EP400: variants seen among roughly 807,000 people sequenced by gnomAD.
EP400 encodes the protein E1A binding protein p400, also known as E1A-binding protein p400.
A neutral mutation model predicts 354.1 loss-of-function variants in EP400; 105 were observed. The observed-to-expected ratio is 0.30, with a 90% CI of 0.25 to 0.35. The LOEUF (loss-of-function observed/expected upper bound fraction) is 0.35. Ranked by LOEUF, EP400 falls within the 10% of genes least tolerant of loss-of-function variation. The probability of loss-of-function intolerance (pLI) is 1.00; values close to 1 mark genes in which losing one functional copy is unlikely to be tolerated. For missense variants in EP400, 3,280 were observed against 4,121.0 expected (o/e 0.80, Z 5.59); for synonymous variants, 1,646 against 1,716.9 (o/e 0.96, Z 1.02).
rs1015018943 is a variant in EP400 at position 132,066,974 on chromosome 12, C to T, written c.8749+5C>T. On this transcript the variant is annotated splice_donor_5th_base_variant and intron_variant, in intron 49 of 52. Coordinates refer to ENST00000389561, the MANE Select transcript of EP400 (RefSeq NM_015409.5). ...GTCAGCCACAGAAGGCAGCAGGTGC[C>T]CGCCCCAGCACACCCTCCCGTCCTG... is the stretch of plus-strand genomic sequence containing the variant. 21 of 1,589,902 alleles carry T rather than the reference C, an allele frequency of 1.3e-5. No homozygotes were observed. The highest frequency in any genetic ancestry group is 1.8e-5 in the Admixed American group (1 of 56,568).
Position 132,013,710 on chromosome 12 carries a change from T to A in EP400, c.3786+46T>A, listed in dbSNP as rs767962930. The A allele has an allele frequency of 3.1e-6, 5 of 1,608,826 alleles. No individual in the cohort carries two copies. In the South Asian group the frequency reaches 3.3e-5, roughly 11 times the overall value. On this transcript the variant is annotated intron_variant, in intron 18 of 52. Coordinates refer to ENST00000389561, the MANE Select transcript of EP400 (RefSeq NM_015409.5). The surrounding 1 kb of genome is among the most constrained non-coding windows in gnomAD (Gnocchi z 4.5). ...TCAGTTAATTAATTAAACATGCGTATGCCTTGTTATAAACGTGTTACAGCA... is the reference window on the plus strand; with the variant it reads ...TCAGTTAATTAATTAAACATGCGTAAGCCTTGTTATAAACGTGTTACAGCA...
At chr12:132,006,017 T>G in intron 13 of EP400, 95 bp from the exon 14 acceptor site, 1 of 1,216,852 alleles carries the variant, frequency 8.2e-7, no homozygotes, top group South Asian at 1.6e-5. Flanking sequence ...TTTAAAGTAG[T>G]TGGATTCTAT....
chr12:131,980,192 T>G (rs895579452), intron 3 of EP400, among the ~76,000 whole-genome samples: 2 of 152,216 alleles, frequency 1.3e-5, no homozygotes, highest in Admixed American at 1.3e-4. Flanking sequence ...TATGTCTGGC[T>G]TGGTACCTGC....
chr12:131,998,150 A>G (rs1893279643), intron 12 of EP400, among the ~76,000 whole-genome samples: 1 of 152,172 alleles, frequency 6.6e-6, no homozygotes, highest in Non-Finnish European at 1.5e-5. Context: ...AATTTGTACC[A>G]GTCTGTACTG....
Position 132,059,244 on chromosome 12 carries a change from C to T in EP400, c.7885-2866C>T, listed in dbSNP as rs537215100. Among the ~76,000 whole-genome samples, 3 of 152,132 alleles carry T rather than the reference C, an allele frequency of 2.0e-5. No individual in the cohort carries two copies. In the East Asian group the frequency reaches 5.8e-4, roughly 29 times the overall value. Reference sequence around the variant, plus strand: ...TCTAAAAAGGAAACTATTGATACACCGAGGTAGGGCCCCAGGTGGCTAAAC... The same window carrying T: ...TCTAAAAAGGAAACTATTGATACACTGAGGTAGGGCCCCAGGTGGCTAAAC... On this transcript the variant is annotated intron_variant, in intron 45 of 52. Coordinates refer to ENST00000389561, the MANE Select transcript of EP400 (RefSeq NM_015409.5).
intron 51 of EP400, chr12:132,076,248 A>G: frequency 1.1e-5 from 5 of 435,240 alleles, no homozygotes; most frequent in Admixed American, 3.1e-5. Context: ...CGTTTTTGTG[A>G]AAAGAAAAAA....
chr12:131,997,373 A>T (rs541230297), intron 12 of EP400, among the ~76,000 whole-genome samples: 1 of 151,310 alleles, frequency 6.6e-6, no homozygotes, highest in African/African-American at 2.4e-5. Context: ...GGCTCAGACG[A>T]TCCTTCCACC....
intron 12 of EP400, among the ~76,000 whole-genome samples, chr12:132,000,968 C>T (rs953997839): frequency 2.6e-5 from 4 of 152,180 alleles, no homozygotes; most frequent in Non-Finnish European, 5.9e-5. Context: ...AGGTCTGATT[C>T]TGCTGTCGTT....
At position 132,013,951 on chromosome 12, in the gene EP400, C is replaced by T. The variant is rs968612343; in HGVS notation, c.3923+38C>T. The T allele has an allele frequency of 6.2e-7, 1 of 1,603,870 alleles. No individual in the cohort carries two copies. Among genetic ancestry groups the T allele is most frequent in the Non-Finnish European group, 8.5e-7 (1 of 1,175,270 alleles). ...TCTGGGCATGTGCCCCCTTTGCTGT[C>T]CCTGCCTGTGAGGGAAAACGGCCCT... On this transcript the variant is annotated intron_variant, in intron 19 of 52. Transcript: ENST00000389561. The surrounding 1 kb of genome is among the most constrained non-coding windows in gnomAD (Gnocchi z 4.5).
chr12:131,959,935 A>G (rs891169464), intron 1 of EP400, among the ~76,000 whole-genome samples: 6 of 152,154 alleles, frequency 3.9e-5, no homozygotes, highest in Admixed American at 6.5e-5. Context: ...TTGGATTTAC[A>G]AGAGGAGAGT....
Position 132,050,129 on chromosome 12 carries a change from G to T in EP400, c.7201-194G>T, listed in dbSNP as rs1895242964. Among the ~76,000 whole-genome samples the T allele has an allele frequency of 6.6e-6, 1 of 152,182 alleles. No homozygotes were observed. The highest frequency in any genetic ancestry group is 1.5e-5 in the Non-Finnish European group (1 of 68,042). ...GCATGGACTGGAGAGTGTCACAGCA[G>T]TCGGCCGCGACAGCCACTTAATGCC... is the stretch of plus-strand genomic sequence containing the variant. On this transcript the variant is annotated intron_variant, in intron 39 of 52. Coordinates refer to ENST00000389561, the MANE Select transcript of EP400 (RefSeq NM_015409.5). The surrounding 1 kb of genome is among the most constrained non-coding windows in gnomAD (Gnocchi z 4.8).
At chr12:132,049,017 T>C (rs1208200909) in intron 39 of EP400, among the ~76,000 whole-genome samples, 2 of 152,220 alleles carry the variant, frequency 1.3e-5, no homozygotes, top group Non-Finnish European at 2.9e-5. Flanking sequence ...CTCTTTGCAT[T>C]AGAGGACCCC....
chr12:131,992,681 C>T (rs1386506005), intron 11 of EP400, among the ~76,000 whole-genome samples: 3 of 152,136 alleles, frequency 2.0e-5, no homozygotes, highest in Non-Finnish European at 2.9e-5. Context: ...GGACAGCCCA[C>T]GGCCATGACC....
intron 38 of EP400, 53 bp downstream of exon 38, chr12:132,045,613 G>C (rs778889800): frequency 1.2e-6 from 2 of 1,606,180 alleles, no homozygotes; most frequent in Non-Finnish European, 1.7e-6. Context: ...TTTTTCTAAC[G>C]CACGTCCGTG....
intron 1 of EP400, among the ~76,000 whole-genome samples, chr12:131,956,664 T>C (rs1891711691): frequency 6.6e-6 from 1 of 152,170 alleles, no homozygotes; most frequent in South Asian, 2.1e-4. Flanking sequence ...CCATTTGAAA[T>C]CTTTTCTACA....
At chr12:132,051,670 A>G (rs1366082472) in intron 41 of EP400, among the ~76,000 whole-genome samples, 1 of 152,316 alleles carries the variant, frequency 6.6e-6, no homozygotes, top group Non-Finnish European at 1.5e-5. Context: ...AAGATGGAAC[A>G]TGAAGGCAGA....
chr12:131,986,364 T>G (rs1311453266), intron 5 of EP400, 150 bp from the exon 6 acceptor site: 4 of 712,306 alleles, frequency 5.6e-6, no homozygotes, highest in Non-Finnish European at 9.3e-6. Context: ...TGTTGGGCTG[T>G]GGATACGATG....
At chr12:131,953,666 T>C (rs187532343) in intron 1 of EP400, among the ~76,000 whole-genome samples, 5 of 152,372 alleles carry the variant, frequency 3.3e-5, no homozygotes. Context: ...ATGTGCCCTT[T>C]GGTGGGAGAA....
At chr12:131,954,400 G>T (rs1364834525) in intron 1 of EP400, among the ~76,000 whole-genome samples, 1 of 151,672 alleles carries the variant, frequency 6.6e-6, no homozygotes, top group East Asian at 1.9e-4. Context: ...CCAGCCTGGG[G>T]AATATGTTGA....
Sources: allele counts gnomAD v4.1 joint callset (sites outside exome capture counted in the v4.1 genomes callset), GRCh38; gene constraint gnomAD v4.1.1; non-coding constraint Gnocchi (gnomAD v3.1); transcripts MANE v1.5; gene names NCBI Gene and HGNC (gene_info 2026-07-23, HGNC 2026-07-21).